The following CENPP variants were observed in gnomAD, a reference collection of about 807,000 sequenced individuals.
The protein encoded by CENPP is centromere protein P.
CENPP carries 24 observed loss-of-function variants against 35.6 expected under a neutral mutation model. The observed-to-expected ratio is 0.67, with a 90% confidence interval of 0.49 to 0.95. CENPP has a LOEUF of 0.95. Ranked by LOEUF, CENPP falls within the 40% of genes least tolerant of loss-of-function variation. CENPP has a pLI of 0.00. For missense variants in CENPP, 332 were observed against 345.3 expected, an observed-to-expected ratio of 0.96 and a Z score of 0.31; for synonymous variants, 120 against 125.5, an observed-to-expected ratio of 0.96 and a Z score of 0.29.
At chr9:92,371,216 T>C (rs1301108181) in intron 4 of CENPP, among the ~76,000 whole-genome samples, 2 of 152,236 alleles carry the variant, frequency 1.3e-5, no homozygotes, top group African/African-American at 4.8e-5. Flanking sequence ...TTATAGTTTA[T>C]AACTTTTTAC....
chr9:92,507,568 G>A (rs1847081062), intron 5 of CENPP, among the ~76,000 whole-genome samples: 1 of 152,204 alleles, frequency 6.6e-6, no homozygotes, highest in South Asian at 2.1e-4. Flanking sequence ...AGGATTCATG[G>A]ACAGGAAACA....
At chr9:92,451,590 TG>T (rs1844710924) in intron 5 of CENPP, among the ~76,000 whole-genome samples, 1 of 151,718 alleles carries the variant, frequency 6.6e-6, no homozygotes, top group Non-Finnish European at 1.5e-5. Flanking sequence ...GCTCTTTTTT[TG>T]GTTCCATATA....
At chr9:92,570,707 C>A (rs1206383611) in intron 5 of CENPP, among the ~76,000 whole-genome samples, 1 of 152,146 alleles carries the variant, frequency 6.6e-6, no homozygotes, top group Non-Finnish European at 1.5e-5. Context: ...CCGTCTGGTC[C>A]TGGACTTTTT....
At chr9:92,408,272 G>T (rs944250763) in intron 5 of CENPP, among the ~76,000 whole-genome samples, 9 of 152,016 alleles carry the variant, frequency 5.9e-5, no homozygotes, top group Admixed American at 2.0e-4. Flanking sequence ...TGCAACCTCC[G>T]CCTCCCGGGT....
intron 5 of CENPP, among the ~76,000 whole-genome samples, chr9:92,498,497 CTT>C (rs1308603862): frequency 6.6e-6 from 1 of 151,936 alleles, no homozygotes; most frequent in African/African-American, 2.4e-5. Context: ...TAAGACTTCT[CTT>C]AATTCAACTT....
chr9:92,481,456 T>C (rs954660968), intron 5 of CENPP, among the ~76,000 whole-genome samples: 5 of 152,200 alleles, frequency 3.3e-5, no homozygotes, highest in African/African-American at 1.2e-4. Flanking sequence ...CCCTACACCA[T>C]GTGGCCACTG....
At chr9:92,535,596 C>G (rs1849119557) in intron 5 of CENPP, among the ~76,000 whole-genome samples, 1 of 152,140 alleles carries the variant, frequency 6.6e-6, no homozygotes, top group Admixed American at 6.5e-5. Flanking sequence ...TCTATTTTCA[C>G]TTCATTCAAC....
At chr9:92,508,258 T>C (rs1473124423) in intron 5 of CENPP, among the ~76,000 whole-genome samples, 1 of 152,100 alleles carries the variant, frequency 6.6e-6, no homozygotes, top group African/African-American at 2.4e-5. Flanking sequence ...CAGCCGGGGG[T>C]ATCTGAGCCG....
intron 5 of CENPP, among the ~76,000 whole-genome samples, chr9:92,440,358 T>TAAA (rs1844355012): frequency 6.7e-6 from 1 of 150,114 alleles, no homozygotes; most frequent in African/African-American, 2.5e-5. Flanking sequence ...AATAAATAAA[T>TAAA]AAATAAATAA....
Position 92,619,737 on chromosome 9 carries a change from A to G in CENPP, c.*6588A>G, listed in dbSNP as rs892631194. ...GGGCGTCAGGAGGTCGCCCTGTGAG[A>G]GCACCTGGGCCAGCCCTCAGTGCCA... On this transcript the variant is annotated 3_prime_UTR_variant, in exon 8 of 8. Coordinates refer to ENST00000375587, the MANE Select transcript of CENPP (RefSeq NM_001012267.3). The G allele has an allele frequency of 2.7e-5, 17 of 635,578 alleles. No individual in the cohort carries two copies. The highest frequency in any genetic ancestry group is 4.5e-5 in the Non-Finnish European group (16 of 352,374). 39.4% of individuals were successfully genotyped at this position (635,578 alleles called of 1,614,324 possible).
intron 5 of CENPP, among the ~76,000 whole-genome samples, chr9:92,609,407 C>T (rs1348213325): frequency 1.3e-5 from 2 of 152,254 alleles, no homozygotes; most frequent in African/African-American, 4.8e-5. Context: ...AAGGCCCTGT[C>T]ACTGCAGTTC....
chr9:92,375,005 C>T (rs1402897673), intron 4 of CENPP, among the ~76,000 whole-genome samples: 1 of 152,162 alleles, frequency 6.6e-6, no homozygotes, highest in Non-Finnish European at 1.5e-5. Context: ...AACAGATTTA[C>T]TATAATGTGT....
intron 5 of CENPP, among the ~76,000 whole-genome samples, chr9:92,462,027 G>T (rs1341744526): frequency 6.6e-6 from 1 of 151,894 alleles, no homozygotes; most frequent in Non-Finnish European, 1.5e-5. Context: ...ACCCAGGCTG[G>T]AGTGTAGTAG....
At chr9:92,601,870 CA>C (rs1169826352) in intron 5 of CENPP, among the ~76,000 whole-genome samples, 1 of 152,204 alleles carries the variant, frequency 6.6e-6, no homozygotes, top group East Asian at 1.9e-4. Context: ...TGTGCACAGA[CA>C]GGGGTGGAAG....
At chr9:92,418,218 C>G (rs1843677466) in intron 5 of CENPP, among the ~76,000 whole-genome samples, 1 of 152,162 alleles carries the variant, frequency 6.6e-6, no homozygotes, top group African/African-American at 2.4e-5. Context: ...TCCCAAGTAT[C>G]TGGGACTACA....
rs137948457 is a variant in CENPP at position 92,522,682 on chromosome 9, G to A, written c.565-88632G>A. On this transcript the variant is annotated intron_variant, in intron 5 of 7. Transcript: ENST00000375587. ...AACAATAGGAAGTCTTGCTACTGGT[G>A]TAAAAACTGTTGTTTGCTGAATTCC... 9.3e-6 allele frequency: 15 copies of A among 1,614,014 alleles called. No individual in the cohort carries two copies. The African/African-American group carries it at 1.9e-4, about 20-fold the overall frequency.
chr9:92,460,541 G>A, intron 5 of CENPP: 1 of 1,596,824 alleles, frequency 6.3e-7, no homozygotes, highest in Non-Finnish European at 8.6e-7. Flanking sequence ...TAATCTAAGT[G>A]AAGCTCCAAT....
intron 5 of CENPP, among the ~76,000 whole-genome samples, chr9:92,569,299 A>G (rs1203672976): frequency 1.4e-4 from 21 of 152,102 alleles, no homozygotes; most frequent in Non-Finnish European, 2.1e-4. Flanking sequence ...TTCTACATAT[A>G]GCTAGCCAGT....
intron 5 of CENPP, among the ~76,000 whole-genome samples, chr9:92,411,138 A>G (rs1470964389): frequency 6.6e-6 from 1 of 151,798 alleles, no homozygotes; most frequent in Non-Finnish European, 1.5e-5. Flanking sequence ...ACGCCCAGCT[A>G]CTTTTTTGTA....
Sources: gnomAD v4.1 joint callset for allele counts (sites outside exome capture counted in the v4.1 genomes callset) on GRCh38, gnomAD v4.1.1 for gene constraint, MANE v1.5 for transcripts, NCBI Gene and HGNC (gene_info 2026-07-23, HGNC 2026-07-21) for gene names.